PDE4B: variants seen among roughly 807,000 people sequenced by gnomAD.
PDE4B encodes 3',5'-cyclic-AMP phosphodiesterase 4B.
PDE4B carries 20 observed loss-of-function variants against 82.2 expected under a neutral mutation model. That is an observed-to-expected ratio of 0.24 (90% CI 0.17 to 0.35). The LOEUF (loss-of-function observed/expected upper bound fraction) is 0.35. Ranked by LOEUF, PDE4B falls within the 10% of genes least tolerant of loss-of-function variation. PDE4B has a pLI of 1.00. For missense variants in PDE4B, 655 were observed against 907.2 expected (o/e 0.72, Z 3.57); for synonymous variants, 320 against 318.9 (o/e 1.00, Z -0.04).
chr1:66,356,821 T>G (rs1308179802), intron 9 of PDE4B, among the ~76,000 whole-genome samples: 1 of 152,188 alleles, frequency 6.6e-6, no homozygotes, highest in African/African-American at 2.4e-5. Context: ...TTCTAGTATG[T>G]GAGTGTCTGC....
chr1:66,256,527 A>G (rs2101700283), intron 4 of PDE4B, among the ~76,000 whole-genome samples: 1 of 152,288 alleles, frequency 6.6e-6, no homozygotes. Context: ...TTGCCAGATT[A>G]AATTGAAGTT....
chr1:65,913,800 T>C (rs1647124811), intron 2 of PDE4B, among the ~76,000 whole-genome samples: 1 of 152,210 alleles, frequency 6.6e-6, no homozygotes, highest in Non-Finnish European at 1.5e-5. Flanking sequence ...CCTTTGCTAC[T>C]GAAGTGTAGT....
intron 1 of PDE4B, among the ~76,000 whole-genome samples, chr1:65,870,428 A>T (rs1306309798): frequency 6.6e-6 from 1 of 152,080 alleles, no homozygotes; most frequent in Non-Finnish European, 1.5e-5. Context: ...CACTAACTAA[A>T]CCAAAATTTT....
chr1:65,949,948 C>T (rs1400441543), intron 3 of PDE4B, among the ~76,000 whole-genome samples: 1 of 151,994 alleles, frequency 6.6e-6, no homozygotes, highest in African/African-American at 2.4e-5. Flanking sequence ...GTGTAAGAGA[C>T]CTGCCTAGAC....
At chr1:65,934,517 AT>A (rs2100527848) in intron 3 of PDE4B, among the ~76,000 whole-genome samples, 1 of 152,344 alleles carries the variant, frequency 6.6e-6, no homozygotes, top group Admixed American at 6.5e-5. Context: ...CAAAATGGCA[AT>A]AGTAAATTTT....
At chr1:66,089,044 T>C (rs774660019) in intron 3 of PDE4B, among the ~76,000 whole-genome samples, 1 of 152,060 alleles carries the variant, frequency 6.6e-6, no homozygotes, top group Admixed American at 6.6e-5. Context: ...GAGATTGACA[T>C]TGTTGTTATG....
At chr1:65,891,998 T>C (rs2100388719) in intron 1 of PDE4B, among the ~76,000 whole-genome samples, 1 of 152,206 alleles carries the variant, frequency 6.6e-6, no homozygotes, top group East Asian at 1.9e-4. Context: ...GCTGATCTAT[T>C]AATCTCATGT....
chr1:66,099,563 A>G (rs926100942), intron 3 of PDE4B, among the ~76,000 whole-genome samples: 3 of 152,148 alleles, frequency 2.0e-5, no homozygotes, highest in African/African-American at 7.2e-5. Flanking sequence ...GAAGAATTAC[A>G]TTTTAAAACA....
At chr1:65,967,949 A>G (rs748779626) in intron 3 of PDE4B, among the ~76,000 whole-genome samples, 1 of 152,160 alleles carries the variant, frequency 6.6e-6, no homozygotes, top group Non-Finnish European at 1.5e-5. Context: ...ACAAACCACC[A>G]TGGCATGTGT....
intron 1 of PDE4B, among the ~76,000 whole-genome samples, chr1:65,819,523 A>G (rs867697301): frequency 2.1e-5 from 3 of 143,206 alleles, no homozygotes; most frequent in Admixed American, 6.9e-5. Flanking sequence ...TTTTTTTGAG[A>G]CAGAGTCTCG....
At chr1:66,248,942 A>G (rs1653538857) in intron 4 of PDE4B, among the ~76,000 whole-genome samples, 1 of 152,176 alleles carries the variant, frequency 6.6e-6, no homozygotes. Context: ...ACTCTGAGAG[A>G]TTGAGAAACT....
At chr1:66,226,658 G>C (rs775800117) in intron 3 of PDE4B, among the ~76,000 whole-genome samples, 4 of 152,244 alleles carry the variant, frequency 2.6e-5, no homozygotes, top group Non-Finnish European at 5.9e-5. Context: ...ATAGAAGCAA[G>C]AAGGAAAATT....
chr1:66,078,811 C>T (rs537144356), intron 3 of PDE4B, among the ~76,000 whole-genome samples: 123 of 152,164 alleles, frequency 8.1e-4, no homozygotes, highest in African/African-American at 2.6e-3. Context: ...GCGCATAATA[C>T]GTGAGAGGTT....
At chr1:66,288,759 C>A (rs555474059) in intron 7 of PDE4B, among the ~76,000 whole-genome samples, 2 of 152,186 alleles carry the variant, frequency 1.3e-5, no homozygotes, top group African/African-American at 4.8e-5. Flanking sequence ...AATTAAATGG[C>A]AGTGATAAGG....
intron 3 of PDE4B, among the ~76,000 whole-genome samples, chr1:65,923,909 A>G (rs571434209): frequency 1.3e-5 from 2 of 151,704 alleles, no homozygotes; most frequent in Non-Finnish European, 2.9e-5. Context: ...TACCTCTTCA[A>G]ATATTTTCTC....
chr1:66,368,053 C>A lies in PDE4B; in HGVS notation c.1650C>A (p.Thr550=), dbSNP rs373028719. ...SSGVLLLDNY[T]DRIQVLRNMV... ...GCGTTCTTCTCCTAGACAACTATACCGATCGCATTCAGGTATTTGAGGAAA... is the reference window on the plus strand; with the variant it reads ...GCGTTCTTCTCCTAGACAACTATACAGATCGCATTCAGGTATTTGAGGAAA... The change falls in exon 15 of 17, where the codon ACC becomes ACA. Residue 550 remains threonine, a synonymous_variant. Transcript: ENST00000341517. The A allele has an allele frequency of 1.5e-5, 25 of 1,613,410 alleles. No homozygotes were observed. Among genetic ancestry groups the A allele is most frequent in the Non-Finnish European group, 2.0e-5 (24 of 1,179,736 alleles).
At chr1:65,804,692 A>G (rs997176443) in intron 1 of PDE4B, among the ~76,000 whole-genome samples, 7 of 151,966 alleles carry the variant, frequency 4.6e-5, no homozygotes, top group African/African-American at 1.4e-4. Flanking sequence ...CCAAATGGAT[A>G]ATTTTCTTCC....
intron 1 of PDE4B, among the ~76,000 whole-genome samples, chr1:65,816,389 A>G (rs1458821156): frequency 6.6e-6 from 1 of 152,198 alleles, no homozygotes; most frequent in African/African-American, 2.4e-5. Flanking sequence ...CGAATTGATA[A>G]TTCATAAAAG....
intron 3 of PDE4B, among the ~76,000 whole-genome samples, chr1:66,095,323 C>T (rs1475749854): frequency 6.6e-6 from 1 of 151,776 alleles, no homozygotes; most frequent in Admixed American, 6.6e-5. Flanking sequence ...TGCCAAATTA[C>T]ATTGTAGAGA....
Sources: gnomAD v4.1 joint callset for allele counts (sites outside exome capture counted in the v4.1 genomes callset) on GRCh38, gnomAD v4.1.1 for gene constraint, MANE v1.5 for transcripts, NCBI Gene and HGNC (gene_info 2026-07-23, HGNC 2026-07-21) for gene names.